Variants in SUN3 observed in about 807,000 individuals in gnomAD.
SUN3 encodes SUN domain-containing protein 3.
In SUN3, 36 loss-of-function variants were observed where a neutral mutation model predicts 48.2. The observed-to-expected ratio is 0.75, with a 90% CI of 0.57 to 0.99. The LOEUF (loss-of-function observed/expected upper bound fraction) is 0.99, where lower values mean the gene tolerates loss of function less well. Ranked by LOEUF, SUN3 falls within the 50% of genes least tolerant of loss-of-function variation. The pLI, the probability that SUN3 is intolerant of heterozygous loss-of-function variation, is 0.00. For missense variants in SUN3, 419 were observed against 433.1 expected (o/e 0.97, Z 0.29); for synonymous variants, 148 against 147.9 (o/e 1.00, Z 0.00).
intron 6 of SUN3, among the ~76,000 whole-genome samples, chr7:47,997,058 C>T (rs1254131742): frequency 6.6e-6 from 1 of 152,078 alleles, no homozygotes; most frequent in East Asian, 1.9e-4. Flanking sequence ...CCTCGGCCTC[C>T]CAAAGTGCTG....
chr7:48,022,787 T>C (rs2128783215), intron 2 of SUN3, among the ~76,000 whole-genome samples: 1 of 152,206 alleles, frequency 6.6e-6, no homozygotes, highest in South Asian at 2.1e-4. Context: ...AATGCCTTGT[T>C]ATATAGAAGA....
At chr7:48,001,522 G>GTTTTTTTTTTTTTTTTTTTTTTTTTTTT (rs1286421253) in intron 6 of SUN3, among the ~76,000 whole-genome samples, 2 of 121,886 alleles carry the variant, frequency 1.6e-5, no homozygotes, top group Admixed American at 8.6e-5. Context: ...TGTCTTTTCT[G>GTTTTTTTTTTTTTTTTTTTTTTTTTTTT]TTTTTTTTGT....
chr7:48,029,784 T>C (rs1214646577), upstream of SUN3, among the ~76,000 whole-genome samples: 2 of 152,228 alleles, frequency 1.3e-5, no homozygotes, highest in East Asian at 3.8e-4. Flanking sequence ...AATTCTACGA[T>C]GACAGTCATT....
At chr7:48,017,613 C>G (rs887055998) in intron 2 of SUN3, among the ~76,000 whole-genome samples, 1 of 152,136 alleles carries the variant, frequency 6.6e-6, no homozygotes, top group Non-Finnish European at 1.5e-5. Flanking sequence ...AATCCAAAAC[C>G]TACAGCAGCC....
At chr7:48,012,563 A>G (rs187230959) in intron 3 of SUN3, among the ~76,000 whole-genome samples, 1 of 152,292 alleles carries the variant, frequency 6.6e-6, no homozygotes, top group Admixed American at 6.5e-5. Context: ...ACTTTAAACC[A>G]TATAACTTCA....
At chr7:48,014,109 G>A (rs1789748553) in intron 3 of SUN3, among the ~76,000 whole-genome samples, 1 of 152,148 alleles carries the variant, frequency 6.6e-6, no homozygotes, top group Admixed American at 6.5e-5. Context: ...GGTACTACAG[G>A]CATATTCCAC....
chr7:48,021,418 C>T (rs910393393), intron 2 of SUN3, among the ~76,000 whole-genome samples: 2 of 151,830 alleles, frequency 1.3e-5, no homozygotes, highest in African/African-American at 4.8e-5. Context: ...AATGGGATCA[C>T]AGCTAAAAAG....
At chr7:48,017,211 C>T (rs1164147639) in intron 3 of SUN3, 51 bp downstream of exon 3, 4 of 898,944 alleles carry the variant, frequency 4.4e-6, no homozygotes, top group Non-Finnish European at 7.0e-6. Context: ...AGCCTTGTAG[C>T]ATATTAAACT....
intron 9 of SUN3, among the ~76,000 whole-genome samples, chr7:47,987,668 G>A (rs993611943): frequency 4.5e-4 from 69 of 151,860 alleles, no homozygotes; most frequent in Non-Finnish European, 1.5e-4. Context: ...CGAGTAGCTG[G>A]AACTACAGGC....
chr7:48,009,194 G>C, intron 3 of SUN3, 119 bp from the exon 4 acceptor site: 1 of 955,272 alleles, frequency 1.0e-6, no homozygotes. Flanking sequence ...AGATGTGCTG[G>C]CTGGAACTCA....
At chr7:48,002,151 C>CTTT (rs71006541) in intron 6 of SUN3, among the ~76,000 whole-genome samples, 1,319 of 64,154 alleles carry the variant, frequency 0.021, 276 homozygotes, top group Middle Eastern at 0.057. Flanking sequence ...TTGCATTTCT[C>CTTT]TTTTTTTTTT....
At position 48,017,316 on chromosome 7, in the gene SUN3, G is replaced by C. The variant is rs759240627; in HGVS notation, c.234C>G (p.Ser78=). The change falls in exon 3 of 10, where the codon TCC becomes TCG. Residue 78 remains serine, a synonymous_variant. Coordinates refer to ENST00000297325, the MANE Select transcript of SUN3 (RefSeq NM_001030019.2). ...WLKETDVPQK[S]RQLYAIIAEY... ...CTGCAATTATGGCATATAATTGTCT[G>C]GATTTCTGAGGAACATCTGTTTCTT... 6.2e-7 allele frequency: 1 copy of C among 1,609,766 alleles called. No individual in the cohort carries two copies. Among genetic ancestry groups the C allele is most frequent in the African/African-American group, 1.3e-5 (1 of 74,864 alleles).
At chr7:47,989,929 C>T (rs1296533126) in intron 8 of SUN3, among the ~76,000 whole-genome samples, 1 of 152,248 alleles carries the variant, frequency 6.6e-6, no homozygotes, top group Non-Finnish European at 1.5e-5. Flanking sequence ...GTCATCACCA[C>T]TCCCTACTCT....
chr7:47,987,562 C>G, intron 9 of SUN3, 113 bp from the exon 10 acceptor site: 1 of 1,044,796 alleles, frequency 9.6e-7, no homozygotes, highest in Non-Finnish European at 1.3e-6. Flanking sequence ...GAGATAGGAT[C>G]TGGCTCTGTC....
intron 6 of SUN3, among the ~76,000 whole-genome samples, chr7:47,999,777 C>G (rs1408629320): frequency 6.6e-6 from 1 of 152,238 alleles, no homozygotes; most frequent in Non-Finnish European, 1.5e-5. Context: ...TCAATTGATC[C>G]GCCTGCCTTG....
At chr7:48,032,803 T>A (rs920397504), upstream of SUN3, among the ~76,000 whole-genome samples, 2 of 134,816 alleles carry the variant, frequency 1.5e-5, no homozygotes, top group East Asian at 4.1e-4. Flanking sequence ...GAACAGACAG[T>A]AACAAGGCAG....
At chr7:47,993,759 T>G (rs1271279120) in intron 8 of SUN3, among the ~76,000 whole-genome samples, 1 of 152,190 alleles carries the variant, frequency 6.6e-6, no homozygotes, top group Non-Finnish European at 1.5e-5. Context: ...TACACAACTC[T>G]GTGAATACAC....
At position 47,987,412 on chromosome 7, in the gene SUN3, TTAAG is replaced by T; in HGVS notation, c.988_991del (p.Leu330IlefsTer73). On this transcript the variant is annotated frameshift_variant, in exon 10 of 10. Transcript: ENST00000297325. LOFTEE classifies it high-confidence loss of function. Reference sequence around the variant, plus strand: ...CGGGTGTCCCCAGTTGCTAAAGATATTAAGTTTCACACATAATAAATATTCAGAA... The same window carrying T: ...CGGGTGTCCCCAGTTGCTAAAGATATTTTCACACATAATAAATATTCAGAA... 6.2e-7 allele frequency: 1 copy of T among 1,600,972 alleles called. No homozygotes were observed. The highest frequency in any genetic ancestry group is 8.5e-7 in the Non-Finnish European group (1 of 1,173,880).
intron 3 of SUN3, among the ~76,000 whole-genome samples, chr7:48,016,356 C>G (rs1365170484): frequency 6.6e-6 from 1 of 152,180 alleles, no homozygotes; most frequent in East Asian, 1.9e-4. Context: ...ACATCCGGCT[C>G]TGCGTGAATT....
Sources: gnomAD v4.1 joint callset for allele counts (sites outside exome capture counted in the v4.1 genomes callset) on GRCh38, gnomAD v4.1.1 for gene constraint, MANE v1.5 for transcripts, NCBI Gene and HGNC (gene_info 2026-07-23, HGNC 2026-07-21) for gene names.